YBX1: variants seen among roughly 807,000 people sequenced by gnomAD.
YBX1 encodes the protein Y-box-binding protein 1.
Under a neutral mutation model 41.4 loss-of-function variants are expected in YBX1, and 3 were observed. The observed-to-expected ratio is 0.07, with a 90% CI of 0.03 to 0.19. The LOEUF is 0.19. Ranked by LOEUF, YBX1 falls within the 10% of genes least tolerant of loss-of-function variation. YBX1 has a pLI of 1.00. For missense variants in YBX1, 274 were observed against 462.8 expected (o/e 0.59, Z 3.74); for synonymous variants, 133 against 165.8 (o/e 0.80, Z 1.52).
At chr1:42,697,932 A>G (rs915249118) in intron 6 of YBX1, among the ~76,000 whole-genome samples, 1 of 152,130 alleles carries the variant, frequency 6.6e-6, no homozygotes, top group African/African-American at 2.4e-5. Flanking sequence ...GGATGGTGTA[A>G]TAGTTGTTTC....
intron 7 of YBX1, among the ~76,000 whole-genome samples, chr1:42,701,658 C>A (rs771819010): frequency 1.3e-5 from 2 of 151,920 alleles, no homozygotes; most frequent in Non-Finnish European, 2.9e-5. Flanking sequence ...AATAATAATT[C>A]TCTGGCAGAC....
chr1:42,697,102 T>C (rs1446871484), intron 5 of YBX1, 78 bp from the exon 6 acceptor site: 1 of 1,532,504 alleles, frequency 6.5e-7, no homozygotes, highest in African/African-American at 1.4e-5. Context: ...GTTTGTTTTT[T>C]AACTCTTGGA....
chr1:42,685,501 A>T (rs1650172025), intron 2 of YBX1, among the ~76,000 whole-genome samples: 1 of 152,258 alleles, frequency 6.6e-6, no homozygotes, highest in Non-Finnish European at 1.5e-5. Context: ...ATTAAGGAAA[A>T]TGTATGTGAT....
At chr1:42,685,303 C>A (rs373578546) in intron 2 of YBX1, among the ~76,000 whole-genome samples, 3 of 152,242 alleles carry the variant, frequency 2.0e-5, no homozygotes, top group Admixed American at 6.5e-5. Context: ...ATTGGTCATC[C>A]TCCAGGGCAA....
At chr1:42,695,667 T>C (rs985128000) in intron 3 of YBX1, among the ~76,000 whole-genome samples, 5 of 152,250 alleles carry the variant, frequency 3.3e-5, no homozygotes, top group African/African-American at 4.8e-5. Context: ...ATGACATAGT[T>C]AATACACATG....
At chr1:42,685,118 A>G (rs758900386) in intron 2 of YBX1, among the ~76,000 whole-genome samples, 2 of 148,544 alleles carry the variant, frequency 1.3e-5, no homozygotes, top group African/African-American at 2.6e-5. Context: ...TGTGTTGAAG[A>G]AGTTTTAGCA....
In YBX1 at chr1:42,703,152, T is replaced by C. The variant is rs141998793; in HGVS notation, c.*1203T>C. Among the ~76,000 whole-genome samples the C allele has an allele frequency of 0.043, 6,611 of 152,162 alleles. 195 individuals are homozygous for C. The highest frequency in any genetic ancestry group is 0.072 in the African/African-American group (2,983 of 41,514). Reference sequence around the variant, plus strand: ...TGTTAGCCAGGATGGTCTTGATCTCTTGACCTTGTGATCCGCCCGCCTCAG... The same window carrying C: ...TGTTAGCCAGGATGGTCTTGATCTCCTGACCTTGTGATCCGCCCGCCTCAG... On this transcript the variant is annotated 3_prime_UTR_variant, in exon 8 of 8. Coordinates refer to ENST00000321358, the MANE Select transcript of YBX1 (RefSeq NM_004559.5).
At chr1:42,683,550 A>T (rs991447112) in intron 2 of YBX1, 84 bp downstream of exon 2, 1 of 1,474,226 alleles carries the variant, frequency 6.8e-7, no homozygotes, top group African/African-American at 1.4e-5. Context: ...GGGAAGCCCC[A>T]ATCCACAGCT....
chr1:42,684,244 G>T (rs1488234034), intron 2 of YBX1, among the ~76,000 whole-genome samples: 1 of 152,244 alleles, frequency 6.6e-6, no homozygotes, highest in Admixed American at 6.5e-5. Context: ...CCTTCGGGTT[G>T]TTTGTAGGAG....
At position 42,696,633 on chromosome 1, in the gene YBX1, C is replaced by A. The variant is rs1164374150; in HGVS notation, c.355-9C>A. 6.6e-7 allele frequency: 1 copy of A among 1,521,528 alleles called. No homozygotes were observed. Among genetic ancestry groups the A allele is most frequent in the Non-Finnish European group, 8.9e-7 (1 of 1,129,150 alleles). The allele number at this position is 1,521,528 out of a possible 1,614,324, so 94.3% of individuals were successfully genotyped here. ...CTTTGTCACTATCAATATGTAATGG[C>A]TTTTGTAGGGTGCGGAGGCAGCAAA... On this transcript the variant is annotated splice_polypyrimidine_tract_variant and intron_variant, in intron 4 of 7. Transcript: ENST00000321358. This position sits in a 1 kb window ranked among gnomAD's most constrained non-coding sequence, Gnocchi z 5.7.
In YBX1 at chr1:42,700,966, C is replaced by T. The variant is rs753899176; in HGVS notation, c.926C>T (p.Pro309Leu). The change falls in exon 7 of 8, where the codon CCA becomes CTA. Residue 309 changes from proline (P) to leucine (L), a missense_variant. This residue lies in a region of YBX1 where 187 missense variants were observed against 306.3 expected (regional missense o/e 0.61). Transcript: ENST00000321358. The part of the protein sequence containing the change: ...DGKETKAADP[P>L]AENSSAPEAE... ...AAAGAGACAAAAGCAGCCGATCCAC[C>T]AGCTGAGAATTCGTCCGCTCCCGAG... 7 of 1,614,046 alleles carry T rather than the reference C, an allele frequency of 4.3e-6. No homozygotes were observed. Among genetic ancestry groups the T allele is most frequent in the South Asian group, 2.2e-5 (2 of 91,086 alleles).
At chr1:42,693,196 A>G (rs988744508) in intron 2 of YBX1, among the ~76,000 whole-genome samples, 1 of 151,944 alleles carries the variant, frequency 6.6e-6, no homozygotes, top group African/African-American at 2.4e-5. Flanking sequence ...TAGGATAAGG[A>G]GGGGCAGAAT....
chr1:42,684,217 A>G (rs6670466), intron 2 of YBX1, among the ~76,000 whole-genome samples: 46,007 of 152,168 alleles, frequency 0.3, 7,120 homozygotes, highest in Non-Finnish European at 0.32. Flanking sequence ...AGCTGCAGAC[A>G]CGTCTTTAGG....
At chr1:42,682,873 C>CCTCA in intron 1 of YBX1, 142 bp downstream of exon 1, 1 of 347,900 alleles carries the variant, frequency 2.9e-6, no homozygotes, top group Non-Finnish European at 4.7e-6. Context: ...CCCGTCCCCC[C>CCTCA]CTCACTCCCT....
intron 2 of YBX1, among the ~76,000 whole-genome samples, chr1:42,687,066 C>T (rs866206936): frequency 1.3e-5 from 2 of 152,262 alleles, no homozygotes; most frequent in Middle Eastern, 3.4e-3. Flanking sequence ...TTGCTAGGTC[C>T]TGGATTTGAA....
At chr1:42,683,066 C>T in intron 1 of YBX1, 1 of 478,616 alleles carries the variant, frequency 2.1e-6, no homozygotes, top group Non-Finnish European at 4.0e-6. Context: ...GTCACCCCCA[C>T]CCAGCTCCCT....
intron 2 of YBX1, among the ~76,000 whole-genome samples, chr1:42,688,172 C>T (rs892020798): frequency 1.3e-5 from 2 of 152,284 alleles, no homozygotes; most frequent in Non-Finnish European, 2.9e-5. Context: ...GGATAGAGAA[C>T]TAGTATCCAG....
chr1:42,693,551 T>A, intron 3 of YBX1, 28 bp downstream of exon 3: 3 of 1,611,288 alleles, frequency 1.9e-6, no homozygotes, highest in Admixed American at 3.3e-5. Flanking sequence ...TATTTGCACT[T>A]CTGATTCAAG....
intron 2 of YBX1, among the ~76,000 whole-genome samples, chr1:42,690,289 A>C (rs1281290834): frequency 6.6e-6 from 1 of 151,728 alleles, no homozygotes; most frequent in Non-Finnish European, 1.5e-5. Context: ...TAATAATGCA[A>C]ATATCACATA....
Sources: gnomAD v4.1 joint callset for allele counts (sites outside exome capture counted in the v4.1 genomes callset) on GRCh38, gnomAD v4.1.1 for gene constraint, gnomAD v4.1.1 regional missense constraint, Gnocchi (gnomAD v3.1) non-coding constraint, MANE v1.5 for transcripts, NCBI Gene and HGNC (gene_info 2026-07-23, HGNC 2026-07-21) for gene names.